Variants in ELAPOR1 observed in about 807,000 individuals in gnomAD.
ELAPOR1 encodes the protein endosome/lysosome-associated apoptosis and autophagy regulator 1.
A neutral mutation model predicts 119.7 loss-of-function variants in ELAPOR1; 77 were observed. That is an observed-to-expected ratio of 0.64 (90% CI 0.54 to 0.78). The LOEUF (loss-of-function observed/expected upper bound fraction) is 0.78. Ranked by LOEUF, ELAPOR1 falls within the 30% of genes least tolerant of loss-of-function variation. The pLI, the probability that ELAPOR1 is intolerant of heterozygous loss-of-function variation, is 0.00. For synonymous variants in ELAPOR1, 481 were observed against 487.2 expected, an observed-to-expected ratio of 0.99 and a Z score of 0.17; for missense variants, 1,115 against 1,270.4, an observed-to-expected ratio of 0.88 and a Z score of 1.86.
Position 109,154,313 on chromosome 1 carries a change from A to G in ELAPOR1, c.154-7581A>G, listed in dbSNP as rs542301612. 3.0e-4 allele frequency among the ~76,000 whole-genome samples: 46 copies of G among 151,242 alleles called. 2 individuals carry two copies. The East Asian group carries it at 8.7e-3, about 29-fold the overall frequency. ...AAAAAAAAAAAAAAAAGAAAAGGGG[A>G]AAAAGATGGAAGTAAGGACAGATTT... On this transcript the variant is annotated intron_variant, in intron 1 of 21. Coordinates refer to ENST00000369939, the MANE Select transcript of ELAPOR1 (RefSeq NM_020775.5).
chr1:109,201,923 G>A (rs1276886863), intron 21 of ELAPOR1, among the ~76,000 whole-genome samples: 2 of 152,020 alleles, frequency 1.3e-5, no homozygotes, highest in Admixed American at 1.3e-4. Flanking sequence ...AACATAGGAA[G>A]ACCCCATCTC....
chr1:109,138,946 T>C (rs1187809597), intron 1 of ELAPOR1, among the ~76,000 whole-genome samples: 4 of 152,052 alleles, frequency 2.6e-5, no homozygotes, highest in Admixed American at 6.6e-5. Flanking sequence ...GTAATCAATT[T>C]TAAAAGTATA....
chr1:109,177,241 C>G (rs1315550967), intron 7 of ELAPOR1, among the ~76,000 whole-genome samples: 2 of 138,542 alleles, frequency 1.4e-5, no homozygotes, highest in African/African-American at 2.8e-5. Context: ...GGGGCTGACC[C>G]CCCCACCTCC....
chr1:109,186,174 G>A (rs1431870283), intron 8 of ELAPOR1, among the ~76,000 whole-genome samples: 2 of 152,112 alleles, frequency 1.3e-5, no homozygotes, highest in Admixed American at 6.5e-5. Context: ...CATTTGAGCA[G>A]AGACCTGAAG....
intron 16 of ELAPOR1, 23 bp downstream of exon 16, chr1:109,197,677 C>T: frequency 6.7e-7 from 1 of 1,491,876 alleles, no homozygotes; most frequent in Non-Finnish European, 9.1e-7. Context: ...GCTGCCTCAG[C>T]CTTGTTTGAG....
chr1:109,184,976 C>T, intron 7 of ELAPOR1, 69 bp from the exon 8 acceptor site: 2 of 1,195,060 alleles, frequency 1.7e-6, no homozygotes, highest in Non-Finnish European at 1.3e-6. Context: ...AGTCACAGGG[C>T]CATGAAGAGG....
chr1:109,122,584 C>T (rs1335213726), intron 1 of ELAPOR1, among the ~76,000 whole-genome samples: 1 of 151,922 alleles, frequency 6.6e-6, no homozygotes, highest in African/African-American at 2.4e-5. Context: ...TCACTTGAAC[C>T]CATGAGTTAA....
rs144442891 is a variant in ELAPOR1 at position 109,181,372 on chromosome 1, C to T, written c.953-3673C>T. On this transcript the variant is annotated intron_variant, in intron 7 of 21. Coordinates refer to ENST00000369939, the MANE Select transcript of ELAPOR1 (RefSeq NM_020775.5). ...ATCCTACTTAAGTCACTTTTCACTC[C>T]CTCAACCAAACACAGAGGCCCATCT... Among the ~76,000 whole-genome samples the T allele has an allele frequency of 3.9e-3, 593 of 152,204 alleles. 1 individual carries two copies. Among genetic ancestry groups the T allele is most frequent in the Middle Eastern group, 0.034 (10 of 294 alleles).
At chr1:109,175,880 G>A (rs1462264695) in intron 7 of ELAPOR1, among the ~76,000 whole-genome samples, 1 of 140,250 alleles carries the variant, frequency 7.1e-6, no homozygotes, top group Non-Finnish European at 1.6e-5. Flanking sequence ...AGATACTGTA[G>A]ATTTAAAATG....
intron 21 of ELAPOR1, chr1:109,201,420 G>A (rs1394720903): frequency 2.2e-6 from 1 of 454,694 alleles, no homozygotes; most frequent in South Asian, 1.6e-5. Context: ...GTGGGTGGGT[G>A]AGTATGAAGC....
chr1:109,199,972 G>A lies in ELAPOR1; in HGVS notation c.2620G>A (p.Gly874Arg), dbSNP rs1444028697. 6.2e-7 allele frequency: 1 copy of A among 1,614,148 alleles called. No individual in the cohort carries two copies. Among genetic ancestry groups the A allele is most frequent in the Admixed American group, 1.7e-5 (1 of 60,024 alleles). ...TGCTATCGTCAGCAGCTGTGTGGCT[G>A]GGATCCAGGTGGGTTTCCCTCTGAT... ...YHAIVSSCVA[G>R]IQKTTYVWRE... Residue 874 changes from glycine to arginine, a missense_variant, in exon 19 of 22, where the codon GGG becomes AGG. Gly to Arg is a moderately radical substitution (Grantham distance 125). Transcript: ENST00000369939.
At chr1:109,191,934 T>G in intron 13 of ELAPOR1, 71 bp downstream of exon 13, 3 of 1,553,586 alleles carry the variant, frequency 1.9e-6, no homozygotes, top group East Asian at 2.2e-5. Flanking sequence ...AGCATTAGCT[T>G]AAGTATGAGT....
At chr1:109,149,007 C>T (rs1270793576) in intron 1 of ELAPOR1, among the ~76,000 whole-genome samples, 1 of 152,206 alleles carries the variant, frequency 6.6e-6, no homozygotes, top group African/African-American at 2.4e-5. Context: ...GCCGCAGTTA[C>T]AGACTGTCAT....
chr1:109,117,265 A>G (rs557740895), intron 1 of ELAPOR1, among the ~76,000 whole-genome samples: 9 of 152,330 alleles, frequency 5.9e-5, no homozygotes, highest in Admixed American at 5.9e-4. Flanking sequence ...AGGGTCACAA[A>G]TGGAACTAAA....
chr1:109,197,405 A>T, intron 15 of ELAPOR1, 69 bp from the exon 16 acceptor site: 1 of 1,409,312 alleles, frequency 7.1e-7, no homozygotes, highest in Non-Finnish European at 9.9e-7. Flanking sequence ...AGCCTTCCCT[A>T]TTCCCTTCTG....
intron 1 of ELAPOR1, among the ~76,000 whole-genome samples, chr1:109,152,870 C>T (rs1164782480): frequency 1.4e-5 from 2 of 143,744 alleles, no homozygotes; most frequent in South Asian, 2.2e-4. Flanking sequence ...GGCCTGAGTT[C>T]GGGAGTTCAA....
chr1:109,179,409 CAAAAAAA>C (rs773712424), intron 7 of ELAPOR1, among the ~76,000 whole-genome samples: 2 of 50,450 alleles, frequency 4.0e-5, no homozygotes, highest in African/African-American at 7.4e-5. Context: ...ACTCTGTCTC[CAAAAAAA>C]AAAAAAAAAA....
At chr1:109,161,726 T>C (rs1200149278) in intron 1 of ELAPOR1, 168 bp from the exon 2 acceptor site, 1 of 655,178 alleles carries the variant, frequency 1.5e-6, no homozygotes, top group Non-Finnish European at 2.6e-6. Context: ...ATCCAAATCA[T>C]TGTAGTTCTT....
chr1:109,136,582 C>T (rs758312007), intron 1 of ELAPOR1, among the ~76,000 whole-genome samples: 1 of 152,200 alleles, frequency 6.6e-6, no homozygotes, highest in Non-Finnish European at 1.5e-5. Flanking sequence ...GGTAGAACAT[C>T]CCTCGCGAAC....
Sources: allele counts gnomAD v4.1 joint callset (sites outside exome capture counted in the v4.1 genomes callset), GRCh38; gene constraint gnomAD v4.1.1; transcripts MANE v1.5; gene names NCBI Gene and HGNC (gene_info 2026-07-23, HGNC 2026-07-21).